Variants in SYN2 observed in about 807,000 individuals in gnomAD.
SYN2 encodes synapsin-2.
SYN2 carries 19 observed loss-of-function variants against 50.9 expected under a neutral mutation model. The observed-to-expected ratio is 0.37, with a 90% CI of 0.26 to 0.55. The LOEUF (loss-of-function observed/expected upper bound fraction) is 0.55, where lower values mean the gene tolerates loss of function less well. SYN2 is among the 20% of genes least tolerant of loss of function. The pLI is 0.81. For synonymous variants in SYN2, 255 were observed against 224.9 expected (o/e 1.13, Z -1.20); for missense variants, 587 against 576.4 (o/e 1.02, Z -0.19).
rs192026789 is a variant in SYN2, at chr3:12,080,397, G to A, written c.378-60254G>A. Among the ~76,000 whole-genome samples, 455 of 152,062 alleles carry A rather than the reference G, an allele frequency of 3.0e-3. 3 individuals carry two copies. Among genetic ancestry groups the A allele is most frequent in the Middle Eastern group, 3.4e-3 (1 of 294 alleles). On this transcript the variant is annotated intron_variant, in intron 1 of 12. Transcript: ENST00000621198. The stretch of plus-strand genomic sequence containing the variant: ...CTAGTTCTGTTAGTTGTGATGTTAG[G>A]TTGTCGATTTGAGATCTTTCTAGCT...
chr3:12,015,793 C>A (rs1030160490), intron 1 of SYN2, among the ~76,000 whole-genome samples: 1 of 152,138 alleles, frequency 6.6e-6, no homozygotes, highest in South Asian at 2.1e-4. Flanking sequence ...GCCTTTGTTT[C>A]CTTGAGCTTT....
intron 11 of SYN2, chr3:12,185,248 G>A: frequency 1.0e-6 from 1 of 985,826 alleles, no homozygotes; most frequent in South Asian, 4.7e-5. Context: ...TCCCAGAATG[G>A]AGGAATACAT....
intron 6 of SYN2, 100 bp downstream of exon 6, chr3:12,161,708 A>G (rs1697653664): frequency 7.3e-7 from 1 of 1,369,540 alleles, no homozygotes; most frequent in Admixed American, 1.8e-5. Flanking sequence ...TCACTGATGA[A>G]TTCTTTCCAA....
chr3:12,105,762 G>T (rs1696173573), intron 1 of SYN2, among the ~76,000 whole-genome samples: 2 of 151,986 alleles, frequency 1.3e-5, no homozygotes, highest in South Asian at 4.2e-4. Flanking sequence ...AGGTCTGCAG[G>T]AGAACACATA....
At chr3:12,153,840 T>A in intron 5 of SYN2, 1 of 984,914 alleles carries the variant, frequency 1.0e-6, no homozygotes, top group East Asian at 2.6e-5. Context: ...CCTTTCCCAG[T>A]CCCCAGTCTT....
intron 1 of SYN2, among the ~76,000 whole-genome samples, chr3:12,095,128 C>A (rs1030692882): frequency 5.3e-5 from 8 of 151,878 alleles, no homozygotes; most frequent in African/African-American, 9.7e-5. Flanking sequence ...AGGAAGAAAA[C>A]ATTTCAAGAC....
chr3:12,031,971 A>G (rs1694391153), intron 1 of SYN2, among the ~76,000 whole-genome samples: 1 of 147,994 alleles, frequency 6.8e-6, no homozygotes, highest in African/African-American at 2.5e-5. Flanking sequence ...GTTTCTTCCT[A>G]GTCTCAATGG....
chr3:12,055,487 A>C (rs892363755), intron 1 of SYN2, among the ~76,000 whole-genome samples: 1 of 152,212 alleles, frequency 6.6e-6, no homozygotes, highest in Admixed American at 6.5e-5. Flanking sequence ...ATGAAAAATA[A>C]TGGATTTCCT....
chr3:12,123,302 T>A (rs560151942), intron 1 of SYN2, among the ~76,000 whole-genome samples: 1 of 152,212 alleles, frequency 6.6e-6, no homozygotes, highest in South Asian at 2.1e-4. Flanking sequence ...TTGCAGAGCA[T>A]CAAAGACAAA....
intron 10 of SYN2, among the ~76,000 whole-genome samples, chr3:12,177,468 A>G (rs1293422346): frequency 6.6e-6 from 1 of 152,158 alleles, no homozygotes; most frequent in African/African-American, 2.4e-5. Flanking sequence ...ACCAAGCCTA[A>G]GAAGGGGTTT....
chr3:12,172,684 C>T (rs1188075640), intron 10 of SYN2, among the ~76,000 whole-genome samples: 1 of 152,184 alleles, frequency 6.6e-6, no homozygotes, highest in Non-Finnish European at 1.5e-5. Context: ...TGGTTGATCA[C>T]CTGGTTGAAC....
At chr3:12,175,906 G>T (rs933491809) in intron 10 of SYN2, among the ~76,000 whole-genome samples, 3 of 152,230 alleles carry the variant, frequency 2.0e-5, no homozygotes, top group African/African-American at 7.2e-5. Flanking sequence ...AGCCTGATCT[G>T]GTTGATGACA....
At chr3:12,084,054 C>A (rs1445576390) in intron 1 of SYN2, among the ~76,000 whole-genome samples, 1 of 152,096 alleles carries the variant, frequency 6.6e-6, no homozygotes, top group South Asian at 2.1e-4. Flanking sequence ...TGTTAGGTAG[C>A]CATCTAAGGT....
intron 1 of SYN2, among the ~76,000 whole-genome samples, chr3:12,131,485 G>A (rs1251588323): frequency 6.6e-6 from 1 of 152,154 alleles, no homozygotes; most frequent in East Asian, 1.9e-4. Flanking sequence ...CTTGATAACT[G>A]ACCCACTTTG....
At chr3:12,010,464 T>C (rs530171413) in intron 1 of SYN2, among the ~76,000 whole-genome samples, 21 of 152,360 alleles carry the variant, frequency 1.4e-4, no homozygotes, top group South Asian at 1.0e-3. Context: ...AGGATTTTAA[T>C]ATTGTATGGT....
At chr3:12,166,733 A>G (rs1161720581) in intron 7 of SYN2, among the ~76,000 whole-genome samples, 1 of 152,226 alleles carries the variant, frequency 6.6e-6, no homozygotes, top group East Asian at 1.9e-4. Context: ...AGATATTCAT[A>G]AAGAACCCTG....
intron 1 of SYN2, among the ~76,000 whole-genome samples, chr3:12,050,711 CTTTTTTTTTTTTTTTTTTTTTTT>C (rs57099569): frequency 2.0e-5 from 1 of 50,528 alleles, no homozygotes; most frequent in African/African-American, 4.5e-5. Context: ...CTTCTCTTCT[CTTTTTTTTTTTTTTTTTTTTTTT>C]TTTTTTTTTT....
intron 10 of SYN2, among the ~76,000 whole-genome samples, chr3:12,172,035 A>G (rs1333907708): frequency 6.6e-6 from 1 of 152,206 alleles, no homozygotes; most frequent in Non-Finnish European, 1.5e-5. Flanking sequence ...CCTTGTAGCA[A>G]AGTCAGTTTG....
At chr3:12,162,737 A>G (rs1241040845) in intron 7 of SYN2, among the ~76,000 whole-genome samples, 1 of 152,218 alleles carries the variant, frequency 6.6e-6, no homozygotes, top group Non-Finnish European at 1.5e-5. Flanking sequence ...CCTGGTATAA[A>G]TATCCAGCAC....
Sources: gnomAD v4.1 joint callset for allele counts (sites outside exome capture counted in the v4.1 genomes callset) on GRCh38, gnomAD v4.1.1 for gene constraint, MANE v1.5 for transcripts, NCBI Gene and HGNC (gene_info 2026-07-23, HGNC 2026-07-21) for gene names.